The following AKT3 variants were observed in gnomAD, a reference collection of about 807,000 sequenced individuals.
AKT3 encodes AKT serine/threonine kinase 3, also known as RAC-gamma serine/threonine-protein kinase.
In AKT3, 15 loss-of-function variants were observed where a neutral mutation model predicts 65.3. That is an observed-to-expected ratio of 0.23 (90% confidence interval 0.15 to 0.35). AKT3 has a LOEUF of 0.35. Ranked by LOEUF, AKT3 falls within the 10% of genes least tolerant of loss-of-function variation. The pLI is 1.00. For synonymous variants in AKT3, 206 were observed against 183.8 expected (o/e 1.12, Z -0.98); for missense variants, 243 against 576.5 (o/e 0.42, Z 5.92).
rs1233986150 is a variant in AKT3 at position 243,795,462 on chromosome 1, G to GTT, written c.46+47661_46+47662dup. Among the ~76,000 whole-genome samples, 52 of 105,400 alleles carry GTT rather than the reference G, an allele frequency of 4.9e-4. No individual in the cohort carries two copies. In the South Asian group the frequency reaches 7.6e-3, roughly 15 times the overall value. 69.1% of individuals were successfully genotyped at this position (105,400 alleles called of 152,430 possible). On this transcript the variant is annotated intron_variant, in intron 2 of 13. Coordinates refer to ENST00000673466, the MANE Select transcript of AKT3 (RefSeq NM_005465.7). ...CTTGATCTCCTTGTTTTTTTTTTTT[G>GTT]TTTTTTTTTTTTGGTTTTTTTTTTT...
At chr1:243,795,722 C>T (rs1329638646) in intron 2 of AKT3, among the ~76,000 whole-genome samples, 4 of 151,884 alleles carry the variant, frequency 2.6e-5, no homozygotes, top group Admixed American at 2.0e-4. Context: ...CCACCCGCCT[C>T]GGCCTCCCAA....
At chr1:243,570,949 T>C (rs1674516312) in intron 9 of AKT3, among the ~76,000 whole-genome samples, 1 of 152,224 alleles carries the variant, frequency 6.6e-6, no homozygotes, top group Non-Finnish European at 1.5e-5. Flanking sequence ...GTACTTTATA[T>C]TGCAGTTTGA....
At chr1:243,608,068 G>A (rs374282607) in intron 8 of AKT3, among the ~76,000 whole-genome samples, 1 of 152,298 alleles carries the variant, frequency 6.6e-6, no homozygotes, top group South Asian at 2.1e-4. Context: ...CTTTTCAGCA[G>A]TGTGAGAACT....
At chr1:243,590,792 A>C (rs1676171722) in intron 8 of AKT3, among the ~76,000 whole-genome samples, 1 of 152,218 alleles carries the variant, frequency 6.6e-6, no homozygotes. Flanking sequence ...AGTATCAATG[A>C]ATCTAACACA....
chr1:243,594,293 T>A (rs1676447034), intron 8 of AKT3, among the ~76,000 whole-genome samples: 1 of 152,198 alleles, frequency 6.6e-6, no homozygotes, highest in African/African-American at 2.4e-5. Context: ...TGTCCATGGA[T>A]TAGAAGACTC....
At position 243,504,537 on chromosome 1, in the gene AKT3, A is replaced by C. The variant is rs1669536086; in HGVS notation, c.*712T>G. 1 of 189,960 alleles carries C rather than the reference A, an allele frequency of 5.3e-6. No individual in the cohort carries two copies. The highest frequency in any genetic ancestry group is 1.1e-5 in the Non-Finnish European group (1 of 90,344). The allele number at this position is 189,960 out of a possible 1,614,324, so 11.8% of individuals were successfully genotyped here. A position where few individuals can be genotyped will look rare whatever the true frequency, so the allele number is the denominator to read the frequency against. ...TGCATATGCCTTCAGTTCTTGGTAGAACAGTGTTCACTTGCTCATGATTGC... is the reference window on the plus strand; with the variant it reads ...TGCATATGCCTTCAGTTCTTGGTAGCACAGTGTTCACTTGCTCATGATTGC... On this transcript the variant is annotated 3_prime_UTR_variant, in exon 14 of 14. Transcript: ENST00000673466.
Position 243,508,655 on chromosome 1 carries a change from C to CTT in AKT3, c.1355-3323_1355-3322dup, listed in dbSNP as rs369887012. ...ATTTCTGACACCCACAAAAGCCAGA[C>CTT]TTTTTTTTTTTTTTTTTTTTTTTTT... On this transcript the variant is annotated intron_variant, in intron 13 of 13. Coordinates refer to ENST00000673466, the MANE Select transcript of AKT3 (RefSeq NM_005465.7). Among the ~76,000 whole-genome samples the CTT allele has an allele frequency of 8.5e-3, 924 of 108,188 alleles. 46 individuals carry two copies. Among genetic ancestry groups the CTT allele is most frequent in the African/African-American group, 0.037 (759 of 20,288 alleles). The allele number at this position is 108,188 out of a possible 152,430, so 71.0% of individuals were successfully genotyped here. A position where few individuals can be genotyped will look rare whatever the true frequency, so the allele number is the denominator to read the frequency against.
At chr1:243,847,359 C>G (rs920336485) in intron 1 of AKT3, among the ~76,000 whole-genome samples, 1 of 152,124 alleles carries the variant, frequency 6.6e-6, no homozygotes, top group African/African-American at 2.4e-5. Context: ...ATCCAACTAA[C>G]AAGTTGTTAA....
rs193154506 is a variant in AKT3 at position 243,642,038 on chromosome 1, C to G, written c.429+3855G>C. 2.6e-5 allele frequency among the ~76,000 whole-genome samples: 4 copies of G among 152,120 alleles called. No homozygotes were observed. In the East Asian group the frequency reaches 7.7e-4, roughly 29 times the overall value. ...GCCTTCACTGAACTTCACAGCTTGTCAGTTTGACTCTCAATCTTTAAAAAA... is the reference window on the plus strand; with the variant it reads ...GCCTTCACTGAACTTCACAGCTTGTGAGTTTGACTCTCAATCTTTAAAAAA... On this transcript the variant is annotated intron_variant, in intron 5 of 13. Coordinates refer to ENST00000673466, the MANE Select transcript of AKT3 (RefSeq NM_005465.7).
chr1:243,793,655 C>G (rs1229380024), intron 2 of AKT3: 2 of 152,040 alleles, frequency 1.3e-5, no homozygotes, highest in African/African-American at 4.8e-5. Context: ...ACCTGTAGCC[C>G]TAGCTCCTCA....
In AKT3 at chr1:243,850,050, G is replaced by T. The variant is rs1004588348; in HGVS notation, c.-123C>A. 6 of 962,552 alleles carry T rather than the reference G, an allele frequency of 6.2e-6. No individual in the cohort carries two copies. The African/African-American group carries it at 8.6e-5, about 14-fold the overall frequency. 59.6% of individuals were successfully genotyped at this position (962,552 alleles called of 1,614,324 possible). ...GGCGGTGGCTGTTACCTGCAACGGC[G>T]GCGGCGGCGGTGGCGGCCCCGCAGC... On this transcript the variant is annotated 5_prime_UTR_variant, in exon 1 of 14. Transcript: ENST00000673466.
chr1:243,778,080 T>C (rs1282105631), intron 2 of AKT3, among the ~76,000 whole-genome samples: 6 of 152,182 alleles, frequency 3.9e-5, no homozygotes, highest in African/African-American at 1.4e-4. Context: ...CCTTGCCTAT[T>C]ACCTCACTTA....
chr1:243,541,062 A>G (rs1212197725), intron 12 of AKT3, among the ~76,000 whole-genome samples: 1 of 152,176 alleles, frequency 6.6e-6, no homozygotes, highest in Non-Finnish European at 1.5e-5. Flanking sequence ...ACCTTTGTAA[A>G]TGATAAATGT....
intron 2 of AKT3, among the ~76,000 whole-genome samples, chr1:243,761,660 T>C (rs1383616279): frequency 6.6e-6 from 1 of 152,146 alleles, no homozygotes; most frequent in Non-Finnish European, 1.5e-5. Flanking sequence ...CCCACTCACA[T>C]GAGTTACTTT....
intron 2 of AKT3, among the ~76,000 whole-genome samples, chr1:243,778,975 G>A (rs1690737076): frequency 6.7e-6 from 1 of 150,038 alleles, no homozygotes; most frequent in South Asian, 2.1e-4. Context: ...TTTCGACTAT[G>A]TAATATTCCA....
chr1:243,597,026 C>T (rs2345284), intron 8 of AKT3, among the ~76,000 whole-genome samples: 119,046 of 152,010 alleles, frequency 0.78, 47,484 homozygotes, highest in Non-Finnish European at 0.86. Context: ...AGACCAATGG[C>T]TACCTAGGGC....
At chr1:243,704,234 A>G (rs2148053715) in intron 2 of AKT3, among the ~76,000 whole-genome samples, 1 of 152,326 alleles carries the variant, frequency 6.6e-6, no homozygotes, top group East Asian at 1.9e-4. Context: ...TTTAAGAAAA[A>G]CGGGCTAACA....
chr1:243,493,174 G>A (rs981325004), intron 13 of AKT3, among the ~76,000 whole-genome samples: 14 of 133,492 alleles, frequency 1.0e-4, no homozygotes, highest in Admixed American at 9.3e-4. Flanking sequence ...TCGCACTCTC[G>A]CCCTCTTGAG....
At chr1:243,528,667 T>G (rs1269683649) in intron 12 of AKT3, among the ~76,000 whole-genome samples, 1 of 152,246 alleles carries the variant, frequency 6.6e-6, no homozygotes, top group Non-Finnish European at 1.5e-5. Context: ...TTCTTTTTGA[T>G]GACTGCATAG....
Sources: allele counts gnomAD v4.1 joint callset (sites outside exome capture counted in the v4.1 genomes callset), GRCh38; gene constraint gnomAD v4.1.1; transcripts MANE v1.5; gene names NCBI Gene and HGNC (gene_info 2026-07-23, HGNC 2026-07-21).